The following SHANK1 variants were observed in gnomAD, a reference collection of about 807,000 sequenced individuals.
SHANK1 encodes SH3 and multiple ankyrin repeat domains 1.
Under a neutral mutation model 165.6 loss-of-function variants are expected in SHANK1, and 35 were observed. The observed-to-expected ratio is 0.21, with a 90% CI of 0.16 to 0.28. The LOEUF is 0.28. SHANK1 is among the 10% of genes least tolerant of loss of function. The probability of loss-of-function intolerance (pLI) is 1.00; values close to 1 mark genes in which losing one functional copy is unlikely to be tolerated. For missense variants in SHANK1, 2,681 were observed against 3,036.4 expected (o/e 0.88, Z 2.75); for synonymous variants, 1,428 against 1,384.8 (o/e 1.03, Z -0.69).
intron 7 of SHANK1, 118 bp from the exon 8 acceptor site, chr19:50,711,605 C>G (rs1433841156): frequency 1.3e-6 from 1 of 743,622 alleles, no homozygotes; most frequent in African/African-American, 1.7e-5. Flanking sequence ...CCGCATCCAC[C>G]TCCCCATCAC....
At position 50,667,955 on chromosome 19, in the gene SHANK1, C is replaced by A; in HGVS notation, c.4005G>T (p.Pro1335=). The A allele has an allele frequency of 1.4e-6, 2 of 1,398,818 alleles. No individual in the cohort carries two copies. The highest frequency in any genetic ancestry group is 1.8e-6 in the Non-Finnish European group (2 of 1,081,744). The allele number at this position is 1,398,818 out of a possible 1,614,324, so 86.7% of individuals were successfully genotyped here. The change falls in exon 23 of 24, where the codon CCG becomes CCT. Residue 1335 remains proline, a synonymous_variant. Transcript: ENST00000293441. This position sits in a 1 kb window ranked among gnomAD's most constrained non-coding sequence, Gnocchi z 5.7. ...CGGTCAGCGGGTGCACCAGGGGTCG[C>A]GGGGGCAGGAAGCTGGTGAAGGCGC... ...GSSAFTSFLP[P]RPLVHPLTGK...
At chr19:50,665,566 C>CAAAAA (rs141839934) in intron 23 of SHANK1, among the ~76,000 whole-genome samples, 5 of 47,632 alleles carry the variant, frequency 1.0e-4, no homozygotes, top group African/African-American at 4.2e-4. Context: ...GACTCTGTCT[C>CAAAAA]AAAAAAAAAA....
chr19:50,714,165 T>TG lies in SHANK1; in HGVS notation c.640+16dup. ...TGTCCTGGCCCTGAGGTCCTCCTGA[T>TG]GCGCACCCCTCCCTACCTCCCGAAT... On this transcript the variant is annotated intron_variant, in intron 5 of 23. Coordinates refer to ENST00000293441, the MANE Select transcript of SHANK1 (RefSeq NM_016148.5). 1 of 1,610,166 alleles carries TG rather than the reference T, an allele frequency of 6.2e-7. No individual in the cohort carries two copies. Among genetic ancestry groups the TG allele is most frequent in the Non-Finnish European group, 8.5e-7 (1 of 1,176,630 alleles).
chr19:50,694,879 G>C (rs755201460), intron 15 of SHANK1, among the ~76,000 whole-genome samples: 142 of 150,692 alleles, frequency 9.4e-4, no homozygotes, highest in Non-Finnish European at 1.7e-3. Context: ...GGCCCGCAAA[G>C]CAGGAGGCGG....
At chr19:50,665,729 C>G (rs1424919629) in intron 23 of SHANK1, among the ~76,000 whole-genome samples, 7 of 60,548 alleles carry the variant, frequency 1.2e-4, no homozygotes, top group Non-Finnish European at 1.9e-4. Flanking sequence ...AGAGTGAGAC[C>G]CTGTTTCTAA....
intron 15 of SHANK1, among the ~76,000 whole-genome samples, chr19:50,693,084 A>C (rs1599858801): frequency 7.2e-6 from 1 of 139,274 alleles, no homozygotes; most frequent in African/African-American, 2.5e-5. Context: ...ATCCGTGGAA[A>C]CCTCCACCTA....
intron 8 of SHANK1, among the ~76,000 whole-genome samples, chr19:50,710,618 C>T (rs929978696): frequency 1.3e-5 from 2 of 152,210 alleles, no homozygotes; most frequent in Non-Finnish European, 2.9e-5. Flanking sequence ...CCGTACCTCT[C>T]CTCTCCTAGG....
Position 50,662,779 on chromosome 19 carries a change from AGGAGAGACATAAGGGTAGGGGGAGAGAC to A in SHANK1, c.5769-125_5769-98del. 2 of 1,338,132 alleles carry A rather than the reference AGGAGAGACATAAGGGTAGGGGGAGAGAC, an allele frequency of 1.5e-6. No individual in the cohort carries two copies. The highest frequency in any genetic ancestry group is 2.1e-6 in the Non-Finnish European group (2 of 967,696). 82.9% of individuals were successfully genotyped at this position (1,338,132 alleles called of 1,614,324 possible). A position where few individuals can be genotyped will look rare whatever the true frequency, so the allele number is the denominator to read the frequency against. ...AGAGGTCAAGATATAGGGAGAGAGG[AGGAGAGACATAAGGGTAGGGGGAGAGAC>A]GGAGGAGAGACGGGAAGAAATGGAG... On this transcript the variant is annotated intron_variant, in intron 23 of 23. Transcript: ENST00000293441. This position sits in a 1 kb window ranked among gnomAD's most constrained non-coding sequence, Gnocchi z 7.7.
At chr19:50,665,661 C>T in intron 23 of SHANK1, among the ~76,000 whole-genome samples, 1 of 147,072 alleles carries the variant, frequency 6.8e-6, no homozygotes, top group African/African-American at 2.5e-5. Flanking sequence ...TGCTTGAGCC[C>T]AGGAGTTTGA....
rs1408494814 is a variant in SHANK1 at position 50,703,829 on chromosome 19, C to T, written c.1224G>A (p.Val408=). The change falls in exon 11 of 24, where the codon GTG becomes GTA. Residue 408 remains valine, a splice_region_variant and synonymous_variant. Coordinates refer to ENST00000293441, the MANE Select transcript of SHANK1 (RefSeq NM_016148.5). ...CGTACTTGGGGGACTCCTGGAAGGG[C>T]ACTGAGAGGGCACAGTGGCGGCGGG... ...LIRNHREQDV[V]PFQESPKYAA... is the part of the protein sequence containing the mutation. 3 of 1,422,968 alleles carry T rather than the reference C, an allele frequency of 2.1e-6. No individual in the cohort carries two copies. The East Asian group carries it at 7.6e-5, about 36-fold the overall frequency. The allele number at this position is 1,422,968 out of a possible 1,614,324, so 88.1% of individuals were successfully genotyped here. A position where few individuals can be genotyped will look rare whatever the true frequency, so the allele number is the denominator to read the frequency against.
rs774758823 is a variant in SHANK1, at chr19:50,661,944, C to G, written c.*21G>C. On this transcript the variant is annotated 3_prime_UTR_variant, in exon 24 of 24. Coordinates refer to ENST00000293441, the MANE Select transcript of SHANK1 (RefSeq NM_016148.5). ...AGGCTCAAGAGTTCTGTGGACGGGG[C>G]TGGTCCGTCCAGGCCAGCCATCACC... The G allele has an allele frequency of 1.9e-6, 3 of 1,612,100 alleles. No homozygotes were observed. In the East Asian group the frequency reaches 6.7e-5, roughly 36 times the overall value.
At chr19:50,691,190 G>A (rs1986527492) in intron 15 of SHANK1, among the ~76,000 whole-genome samples, 1 of 152,176 alleles carries the variant, frequency 6.6e-6, no homozygotes, top group Non-Finnish European at 1.5e-5. Context: ...AGGGAGAGGG[G>A]AAGGGAGGAA....
In SHANK1 at chr19:50,688,148, C is replaced by G. The variant is rs1323442887; in HGVS notation, c.2173-90G>C. 1 of 1,472,806 alleles carries G rather than the reference C, an allele frequency of 6.8e-7. No individual in the cohort carries two copies. The highest frequency in any genetic ancestry group is 9.3e-7 in the Non-Finnish European group (1 of 1,070,610). 91.2% of individuals were successfully genotyped at this position (1,472,806 alleles called of 1,614,324 possible). A position where few individuals can be genotyped will look rare whatever the true frequency, so the allele number is the denominator to read the frequency against. On this transcript the variant is annotated intron_variant, in intron 17 of 23. Transcript: ENST00000293441. The surrounding 1 kb of genome is among the most constrained non-coding windows in gnomAD (Gnocchi z 6.7). The stretch of plus-strand genomic sequence containing the variant: ...GACCCCAAGGAGGATGCCTCCTGCG[C>G]TGCCCTGTCCATGGCCCTCTGGGCT...
Position 50,661,341 on chromosome 19 carries a change from T to A in SHANK1, c.*624A>T, listed in dbSNP as rs1274603868. On this transcript the variant is annotated 3_prime_UTR_variant, in exon 24 of 24. Transcript: ENST00000293441. ...CGTGTGCGAGGAGAGCAGAGTGTAT[T>A]TGAGCGGGCCTCGCCAGCCAGAAGC... Among the ~76,000 whole-genome samples the A allele has an allele frequency of 6.6e-6, 1 of 152,040 alleles. No individual in the cohort carries two copies. Among genetic ancestry groups the A allele is most frequent in the African/African-American group, 2.4e-5 (1 of 41,388 alleles).
Position 50,690,975 on chromosome 19 carries a change from T to G in SHANK1, c.1965-1696A>C, listed in dbSNP as rs922726111. ...TGGATGTGCACGTGTCCTCCCTTCC[T>G]GCTGCCACCCTCCTTGTGGCACCTC... On this transcript the variant is annotated intron_variant, in intron 15 of 23. Coordinates refer to ENST00000293441, the MANE Select transcript of SHANK1 (RefSeq NM_016148.5). The surrounding 1 kb of genome is among the most constrained non-coding windows in gnomAD (Gnocchi z 4.9). Among the ~76,000 whole-genome samples, 1 of 152,182 alleles carries G rather than the reference T, an allele frequency of 6.6e-6. No homozygotes were observed. The highest frequency in any genetic ancestry group is 6.5e-5 in the Admixed American group (1 of 15,278).
At chr19:50,672,183 T>C (rs1369963210) in intron 21 of SHANK1, 69 bp from the exon 22 acceptor site, 4 of 1,277,174 alleles carry the variant, frequency 3.1e-6, no homozygotes, top group African/African-American at 2.9e-5. Context: ...CAGAAAGGCT[T>C]GTGGCTTCAC....
chr19:50,711,323 C>A, intron 8 of SHANK1, 48 bp downstream of exon 8: 1 of 1,319,082 alleles, frequency 7.6e-7, no homozygotes, highest in Non-Finnish European at 1.1e-6. Context: ...CTGGGGGAGG[C>A]GGCTATCGGG....
At chr19:50,669,419 G>T in intron 22 of SHANK1, 134 bp from the exon 23 acceptor site, 1 of 650,004 alleles carries the variant, frequency 1.5e-6, no homozygotes, top group Non-Finnish European at 2.7e-6. Context: ...ACGTGGACTC[G>T]CCCAGCTCTT....
At chr19:50,698,181 G>A (rs1267338083) in intron 12 of SHANK1, among the ~76,000 whole-genome samples, 1 of 147,978 alleles carries the variant, frequency 6.8e-6, no homozygotes, top group African/African-American at 2.7e-5. Flanking sequence ...TGGGGAAGAC[G>A]ACTGTTCCAT....
Sources: allele counts gnomAD v4.1 joint callset (sites outside exome capture counted in the v4.1 genomes callset), GRCh38; gene constraint gnomAD v4.1.1; non-coding constraint Gnocchi (gnomAD v3.1); transcripts MANE v1.5; gene names NCBI Gene and HGNC (gene_info 2026-07-23, HGNC 2026-07-21).